Variants in MIOS observed in about 807,000 individuals in gnomAD.
MIOS encodes meiosis regulator for oocyte development, also known as GATOR2 complex protein MIOS.
MIOS carries 52 observed loss-of-function variants against 96.9 expected under a neutral mutation model. That is an observed-to-expected ratio of 0.54 (90% CI 0.43 to 0.68). The LOEUF (loss-of-function observed/expected upper bound fraction) is 0.68. Ranked by LOEUF, MIOS falls within the 30% of genes least tolerant of loss-of-function variation. MIOS has a pLI of 0.00. For synonymous variants in MIOS, 397 were observed against 359.5 expected, an observed-to-expected ratio of 1.10 and a Z score of -1.18; for missense variants, 1,005 against 1,052.8, an observed-to-expected ratio of 0.95 and a Z score of 0.63.
chr7:7,598,304 A>T (rs573874722), intron 11 of MIOS, among the ~76,000 whole-genome samples: 8 of 152,302 alleles, frequency 5.3e-5, no homozygotes, highest in African/African-American at 1.9e-4. Flanking sequence ...TTATAATTCT[A>T]TTCTGTATCG....
chr7:7,576,687 A>G (rs1330862715), intron 5 of MIOS, among the ~76,000 whole-genome samples: 2 of 152,178 alleles, frequency 1.3e-5, no homozygotes, highest in South Asian at 2.1e-4. Context: ...AGACGGGGAA[A>G]CAGATGGATT....
chr7:7,584,695 A>G (rs1434761231), intron 6 of MIOS, among the ~76,000 whole-genome samples: 1 of 152,182 alleles, frequency 6.6e-6, no homozygotes, highest in Non-Finnish European at 1.5e-5. Context: ...AAAGAAAGAA[A>G]AAGATTAGAA....
chr7:7,607,255 A>G lies in MIOS; in HGVS notation c.*163A>G, dbSNP rs1031896203. The G allele has an allele frequency of 1.1e-5, 6 of 548,872 alleles. No individual in the cohort carries two copies. The highest frequency in any genetic ancestry group is 5.8e-5 in the African/African-American group (3 of 51,486). The allele number at this position is 548,872 out of a possible 1,614,324, so 34.0% of individuals were successfully genotyped here. On this transcript the variant is annotated 3_prime_UTR_variant, in exon 13 of 13. Transcript: ENST00000340080. Reference sequence around the variant, plus strand: ...GTTTTGATGTTTGAGTGATTTTGATATGCTTCACAGAGACAAATGCTGCCA... The same window carrying G: ...GTTTTGATGTTTGAGTGATTTTGATGTGCTTCACAGAGACAAATGCTGCCA...
intron 6 of MIOS, among the ~76,000 whole-genome samples, chr7:7,583,718 A>C (rs1207341861): frequency 6.6e-6 from 1 of 152,178 alleles, no homozygotes; most frequent in East Asian, 1.9e-4. Context: ...TTTAGCCTAC[A>C]AGTATTTTTA....
chr7:7,586,188 G>C (rs1457063466), intron 7 of MIOS, among the ~76,000 whole-genome samples: 1 of 81,220 alleles, frequency 1.2e-5, no homozygotes, highest in Non-Finnish European at 2.7e-5. Flanking sequence ...GTGTGTGTGT[G>C]TGTGTGTAGT....
intron 5 of MIOS, among the ~76,000 whole-genome samples, chr7:7,579,417 A>G (rs1259124201): frequency 6.6e-6 from 1 of 152,216 alleles, no homozygotes; most frequent in Non-Finnish European, 1.5e-5. Context: ...GTTTCTGTTA[A>G]CAATCGACTG....
intron 11 of MIOS, among the ~76,000 whole-genome samples, chr7:7,598,458 A>G (rs1299235932): frequency 7.2e-5 from 11 of 152,112 alleles, no homozygotes. Context: ...TGTACATTTT[A>G]GTTTTGATTT....
chr7:7,583,454 A>C, intron 6 of MIOS, 82 bp downstream of exon 6: 1 of 1,359,336 alleles, frequency 7.4e-7, no homozygotes, highest in South Asian at 1.8e-5. Flanking sequence ...AGAGGCTAAT[A>C]ATTTTCAAAT....
Position 7,590,044 on chromosome 7 carries a change from A to G in MIOS, c.2043+481A>G, listed in dbSNP as rs148375389. Among the ~76,000 whole-genome samples the G allele has an allele frequency of 7.5e-3, 1,146 of 152,356 alleles. 5 individuals carry two copies. The highest frequency in any genetic ancestry group is 0.034 in the Middle Eastern group (10 of 294). ...TTTTTACTGTCCAGTGATTAAAAAC[A>G]GATTCCAGGCATAGATTGCTGTCTA... On this transcript the variant is annotated intron_variant, in intron 9 of 12. Transcript: ENST00000340080.
chr7:7,570,657 A>C (rs1783319933), intron 3 of MIOS, among the ~76,000 whole-genome samples: 2 of 151,880 alleles, frequency 1.3e-5, no homozygotes, highest in African/African-American at 4.8e-5. Flanking sequence ...AGACAGTGAC[A>C]GATCATCAGG....
intron 5 of MIOS, among the ~76,000 whole-genome samples, chr7:7,574,607 C>G (rs1292750944): frequency 6.6e-6 from 1 of 152,072 alleles, no homozygotes; most frequent in Non-Finnish European, 1.5e-5. Flanking sequence ...TCCTCAAATA[C>G]TTTCATTGAG....
At chr7:7,570,481 G>C (rs190272691) in intron 3 of MIOS, among the ~76,000 whole-genome samples, 1 of 152,020 alleles carries the variant, frequency 6.6e-6, no homozygotes, top group East Asian at 1.9e-4. Context: ...AGGGGTGGGG[G>C]TGTGGTTTCA....
chr7:7,605,297 AT>A (rs67440097), intron 11 of MIOS: 158 of 145,756 alleles, frequency 1.1e-3, no homozygotes, highest in African/African-American at 1.9e-3. Context: ...CCCTTGATAG[AT>A]TTTTTTTTTT....
chr7:7,606,617 A>T (rs1367979552), intron 12 of MIOS, among the ~76,000 whole-genome samples: 1 of 152,220 alleles, frequency 6.6e-6, no homozygotes, highest in African/African-American at 2.4e-5. Flanking sequence ...CTTCACAACT[A>T]TAAATGAAAT....
intron 8 of MIOS, 102 bp downstream of exon 8, chr7:7,588,665 C>A: frequency 1.7e-6 from 1 of 580,002 alleles, no homozygotes; most frequent in Non-Finnish European, 2.7e-6. Context: ...GATTGATAAG[C>A]TAATTCTTCT....
intron 9 of MIOS, among the ~76,000 whole-genome samples, chr7:7,593,249 A>G (rs1003684230): frequency 2.6e-5 from 4 of 152,148 alleles, no homozygotes; most frequent in Non-Finnish European, 5.9e-5. Flanking sequence ...GTAGACCTCT[A>G]CTTTTTTAAG....
chr7:7,585,479 G>A (rs560077064), intron 6 of MIOS, among the ~76,000 whole-genome samples, 157 bp from the exon 7 acceptor site: 1 of 149,668 alleles, frequency 6.7e-6, no homozygotes, highest in South Asian at 2.1e-4. Context: ...TAAAAGAATG[G>A]CTACTCCATA....
chr7:7,589,393 TA>T lies in MIOS; in HGVS notation c.1885-9del, dbSNP rs1783983327. The T allele has an allele frequency of 6.2e-7, 1 of 1,611,284 alleles. No homozygotes were observed. Among genetic ancestry groups the T allele is most frequent in the Non-Finnish European group, 8.5e-7 (1 of 1,178,338 alleles). The stretch of plus-strand genomic sequence containing the variant: ...ACAGATTGCTTTAGAAAAATCACTT[TA>T]AATTTTCCAGTTAAATAGATACATC... On this transcript the variant is annotated splice_polypyrimidine_tract_variant and intron_variant, in intron 8 of 12. Transcript: ENST00000340080.
chr7:7,577,220 G>T (rs1053447673), intron 5 of MIOS, among the ~76,000 whole-genome samples: 1 of 152,162 alleles, frequency 6.6e-6, no homozygotes, highest in African/African-American at 2.4e-5. Flanking sequence ...TACCAACCTA[G>T]TATACATTCA....
Sources: allele counts gnomAD v4.1 joint callset (sites outside exome capture counted in the v4.1 genomes callset), GRCh38; gene constraint gnomAD v4.1.1; transcripts MANE v1.5; gene names NCBI Gene and HGNC (gene_info 2026-07-23, HGNC 2026-07-21).